Variants in ZDHHC20 observed in about 807,000 individuals in gnomAD.
ZDHHC20 encodes the protein zDHHC palmitoyltransferase 20, also known as palmitoyltransferase ZDHHC20.
Under a neutral mutation model 57.8 loss-of-function variants are expected in ZDHHC20, and 43 were observed. The ratio of observed to expected loss-of-function variants is 0.74; its 90% CI spans 0.58 to 0.96. The LOEUF is 0.96. Among genes scored for constraint, ZDHHC20 ranks in the 40% least tolerant of loss-of-function variants. The probability of loss-of-function intolerance (pLI) is 0.00; values close to 1 mark genes in which losing one functional copy is unlikely to be tolerated. For synonymous variants in ZDHHC20, 157 were observed against 153.0 expected (o/e 1.03, Z -0.19); for missense variants, 391 against 441.1 (o/e 0.89, Z 1.02).
intron 4 of ZDHHC20, among the ~76,000 whole-genome samples, chr13:21,408,504 G>A (rs1878763190): frequency 6.6e-6 from 1 of 152,204 alleles, no homozygotes; most frequent in South Asian, 2.1e-4. Context: ...ATCAGCTTAA[G>A]GAGTTTTGGG....
At chr13:21,429,971 T>G (rs1881727381) in intron 1 of ZDHHC20, among the ~76,000 whole-genome samples, 1 of 152,218 alleles carries the variant, frequency 6.6e-6, no homozygotes, top group South Asian at 2.1e-4. Context: ...TATTTCTTTG[T>G]TGAGAATTCT....
chr13:21,437,384 G>GC (rs1882662823), intron 1 of ZDHHC20, among the ~76,000 whole-genome samples: 1 of 152,180 alleles, frequency 6.6e-6, no homozygotes, highest in African/African-American at 2.4e-5. Flanking sequence ...GGGACACAGA[G>GC]CCACGCCATA....
intron 1 of ZDHHC20, among the ~76,000 whole-genome samples, chr13:21,448,808 G>A (rs1273440062): frequency 2.2e-5 from 2 of 89,090 alleles, no homozygotes; most frequent in Non-Finnish European, 5.8e-5. Flanking sequence ...TTGAGAAATC[G>A]GATGGTTGCC....
rs1873698891 is a variant in ZDHHC20 at position 21,382,969 on chromosome 13, T to A, written c.895A>T (p.Met299Leu). The A allele has an allele frequency of 1.3e-6, 2 of 1,565,028 alleles. No individual in the cohort carries two copies. Among genetic ancestry groups the A allele is most frequent in the Non-Finnish European group, 1.7e-6 (2 of 1,153,756 alleles). Residue 299 changes from methionine (M) to leucine (L), a missense_variant, in exon 10 of 13, where the codon ATG becomes TTG. By Grantham distance (15) the Met-to-Leu change is conservative. Around this residue, in one of 3 missense-constraint regions of ZDHHC20, gnomAD observed 197 missense variants for 220.8 expected, o/e 0.89. Transcript: ENST00000400590. ...GTAACAGAAGCTTGTTCTGGATCCATCCCCACAAGGCGAGTTGGAAAACTG... is the reference window on the plus strand; with the variant it reads ...GTAACAGAAGCTTGTTCTGGATCCAACCCCACAAGGCGAGTTGGAAAACTG... ...GCSFPTRLVG[M>L]DPEQASVTNQ...
chr13:21,448,401 G>A (rs1421000759), intron 1 of ZDHHC20, among the ~76,000 whole-genome samples: 12 of 104,014 alleles, frequency 1.2e-4, no homozygotes, highest in African/African-American at 2.0e-4. Context: ...CAGCCGCCCC[G>A]TCCGGGAGGG....
intron 4 of ZDHHC20, among the ~76,000 whole-genome samples, chr13:21,403,891 T>C (rs969616116): frequency 3.3e-5 from 5 of 152,120 alleles, no homozygotes; most frequent in Non-Finnish European, 5.9e-5. Context: ...TTTCACCATA[T>C]TGGTCAGGCT....
intron 8 of ZDHHC20, among the ~76,000 whole-genome samples, chr13:21,390,001 T>A (rs900687314): frequency 2.6e-5 from 4 of 152,128 alleles, no homozygotes; most frequent in African/African-American, 9.7e-5. Context: ...AGAAATTTTA[T>A]TTACATGGAA....
intron 1 of ZDHHC20, among the ~76,000 whole-genome samples, chr13:21,427,063 C>T (rs1881350157): frequency 6.6e-6 from 1 of 152,208 alleles, no homozygotes; most frequent in Non-Finnish European, 1.5e-5. Flanking sequence ...TAAAGTCTTC[C>T]TGAGTCCCTC....
At chr13:21,378,273 TG>T (rs1236350659) in intron 12 of ZDHHC20, among the ~76,000 whole-genome samples, 1 of 152,158 alleles carries the variant, frequency 6.6e-6, no homozygotes, top group Non-Finnish European at 1.5e-5. Flanking sequence ...TGACCCAGGC[TG>T]GTCTCTCACT....
chr13:21,425,849 T>TA (rs1881186550), intron 1 of ZDHHC20, among the ~76,000 whole-genome samples, 171 bp from the exon 2 acceptor site: 1 of 152,166 alleles, frequency 6.6e-6, no homozygotes, highest in East Asian at 1.9e-4. Flanking sequence ...CCAAAACCAT[T>TA]AAAATACTAA....
chr13:21,449,066 G>A (rs555132912), intron 1 of ZDHHC20, among the ~76,000 whole-genome samples: 2 of 131,500 alleles, frequency 1.5e-5, no homozygotes, highest in East Asian at 2.0e-4. Context: ...AAGTAATCAG[G>A]GACACAAACA....
intron 10 of ZDHHC20, chr13:21,382,054 C>G (rs1386390958): frequency 2.3e-6 from 1 of 428,378 alleles, no homozygotes; most frequent in East Asian, 6.9e-5. Flanking sequence ...AGGAAACTAA[C>G]ATTTGTTGGT....
intron 1 of ZDHHC20, among the ~76,000 whole-genome samples, chr13:21,436,573 C>A (rs1882567103): frequency 6.6e-6 from 1 of 152,224 alleles, no homozygotes; most frequent in South Asian, 2.1e-4. Flanking sequence ...GTACCACCAA[C>A]TGCATCCATA....
intron 1 of ZDHHC20, among the ~76,000 whole-genome samples, chr13:21,438,017 G>A (rs1882733899): frequency 6.6e-6 from 1 of 152,144 alleles, no homozygotes; most frequent in Non-Finnish European, 1.5e-5. Flanking sequence ...TAAGCCCACT[G>A]TTGAGACCTA....
intron 11 of ZDHHC20, 31 bp from the exon 12 acceptor site, chr13:21,378,769 A>C (rs1009973297): frequency 4.6e-4 from 70 of 150,716 alleles, no homozygotes; most frequent in Middle Eastern, 8.7e-4. Context: ...ATGACATGAC[A>C]AAAAAAAAAA....
chr13:21,391,779 C>T lies in ZDHHC20; in HGVS notation c.670G>A (p.Val224Ile), dbSNP rs776324785. ...CAGTGGTAGCTGAAAAGTGAGAGGA[C>T]GCTGATGAAGAACATTGCAGACACA... ...FFVSAMFFISVLSLFSYHCWL... is the reference protein window; with the variant it reads ...FFVSAMFFISILSLFSYHCWL... The change falls in exon 8 of 13, where the codon GTC becomes ATC. Residue 224 changes from valine to isoleucine, a missense_variant. By Grantham distance (29) the Val-to-Ile change is conservative. Coordinates refer to ENST00000400590, the MANE Select transcript of ZDHHC20 (RefSeq NM_001330059.2). 5.0e-6 allele frequency: 8 copies of T among 1,612,786 alleles called. No homozygotes were observed. Among genetic ancestry groups the T allele is most frequent in the Admixed American group, 1.7e-5 (1 of 59,900 alleles).
At chr13:21,421,477 A>ATTTT (rs1880642892) in intron 2 of ZDHHC20, among the ~76,000 whole-genome samples, 1 of 152,218 alleles carries the variant, frequency 6.6e-6, no homozygotes, top group Non-Finnish European at 1.5e-5. Context: ...CAAGTTCTCC[A>ATTTT]AAAGCTCATT....
chr13:21,388,548 T>C (rs1475003288), intron 8 of ZDHHC20, among the ~76,000 whole-genome samples: 1 of 152,058 alleles, frequency 6.6e-6, no homozygotes, highest in Non-Finnish European at 1.5e-5. Context: ...AGATGAGAGT[T>C]TACTTGTGAC....
At chr13:21,419,010 A>G (rs780735931) in intron 3 of ZDHHC20, among the ~76,000 whole-genome samples, 3 of 152,148 alleles carry the variant, frequency 2.0e-5, no homozygotes, top group Non-Finnish European at 2.9e-5. Context: ...ACTGCTTCTC[A>G]AAAGTACTAC....
Sources: allele counts gnomAD v4.1 joint callset (sites outside exome capture counted in the v4.1 genomes callset), GRCh38; gene constraint gnomAD v4.1.1; regional missense constraint gnomAD v4.1.1; transcripts MANE v1.5; gene names NCBI Gene and HGNC (gene_info 2026-07-23, HGNC 2026-07-21).